The following WDR27 variants were observed in gnomAD, a reference collection of about 807,000 sequenced individuals.
WDR27 encodes WD repeat domain 27.
A neutral mutation model predicts 114.4 loss-of-function variants in WDR27; 100 were observed. That is an observed-to-expected ratio of 0.87 (90% confidence interval 0.74 to 1.03). The LOEUF (loss-of-function observed/expected upper bound fraction) is 1.03. Among genes scored for constraint, WDR27 ranks in the 50% least tolerant of loss-of-function variants. WDR27 has a pLI of 0.00. For synonymous variants in WDR27, 449 were observed against 423.1 expected, an observed-to-expected ratio of 1.06 and a Z score of -0.75; for missense variants, 1,129 against 1,092.9, an observed-to-expected ratio of 1.03 and a Z score of -0.47.
At chr6:169,540,843 C>T (rs1041131207) in intron 25 of WDR27, among the ~76,000 whole-genome samples, 4 of 152,132 alleles carry the variant, frequency 2.6e-5, no homozygotes, top group Non-Finnish European at 5.9e-5. Context: ...AGATTTCCCT[C>T]CATCACTCTC....
chr6:169,664,269 C>T lies in WDR27; in HGVS notation c.801G>A (p.Leu267=). Reference sequence around the variant, plus strand: ...CACGACGATAATGGTGTCCATCCATCAAACTGAAGATCCAAAGCTACAAAA... The same window carrying T: ...CACGACGATAATGGTGTCCATCCATTAAACTGAAGATCCAAAGCTACAAAA... ...CADGQLWIFS[L]MDGHHYRRVA... Residue 267 remains leucine (L), a synonymous_variant, in exon 8 of 26, where the codon TTG becomes TTA. Transcript: ENST00000448612. 1 of 1,613,958 alleles carries T rather than the reference C, an allele frequency of 6.2e-7. No homozygotes were observed. Among genetic ancestry groups the T allele is most frequent in the Non-Finnish European group, 8.5e-7 (1 of 1,179,842 alleles).
At chr6:169,665,430 C>G in intron 7 of WDR27, 56 bp downstream of exon 7, 1 of 1,574,606 alleles carries the variant, frequency 6.4e-7, no homozygotes, top group Non-Finnish European at 8.6e-7. Context: ...CCTTTGTGTA[C>G]AAGCTCACGT....
At chr6:169,446,419 C>T in the WDR27 span, among the ~76,000 whole-genome samples, 4 of 152,010 alleles carry the variant, frequency 2.6e-5, no homozygotes, top group South Asian at 4.2e-4. Context: ...GGGCAGGGGC[C>T]GGGCACAAGG....
At chr6:169,593,398 T>C (rs1806147912) in intron 23 of WDR27, among the ~76,000 whole-genome samples, 1 of 152,244 alleles carries the variant, frequency 6.6e-6, no homozygotes. Flanking sequence ...GCTTTCATAT[T>C]AATTTGCACA....
chr6:169,443,431 A>G, the WDR27 span, among the ~76,000 whole-genome samples: 3 of 33,902 alleles, frequency 8.8e-5, no homozygotes, highest in African/African-American at 6.9e-4. Context: ...ACAGTAACAT[A>G]TGGAAATTTG....
intron 25 of WDR27, among the ~76,000 whole-genome samples, chr6:169,474,937 A>C (rs967014902): frequency 3.3e-5 from 5 of 152,198 alleles, no homozygotes; most frequent in Admixed American, 2.0e-4. Flanking sequence ...ATTCGGTTTC[A>C]GTTAGTGTTC....
At position 169,474,643 on chromosome 6, in the gene WDR27, T is replaced by C. The variant is rs57785759; in HGVS notation, c.2646-17009A>G. 6.3e-3 allele frequency among the ~76,000 whole-genome samples: 956 copies of C among 151,988 alleles called. 15 individuals carry two copies. Among genetic ancestry groups the C allele is most frequent in the African/African-American group, 0.022 (914 of 41,420 alleles). ...GTGCAAGAGAGTTCAGATGACAGACTAATCCCGATATTCATTTAGTAAGAG... is the reference window on the plus strand; with the variant it reads ...GTGCAAGAGAGTTCAGATGACAGACCAATCCCGATATTCATTTAGTAAGAG... On this transcript the variant is annotated intron_variant, in intron 25 of 25. Coordinates refer to ENST00000448612, the MANE Select transcript of WDR27 (RefSeq NM_182552.5).
At chr6:169,666,297 C>T (rs1220637707) in intron 6 of WDR27, 3 of 770,762 alleles carry the variant, frequency 3.9e-6, no homozygotes, top group Middle Eastern at 6.5e-4. Flanking sequence ...GCACCATAGT[C>T]CACACATGGA....
intron 1 of WDR27, among the ~76,000 whole-genome samples, chr6:169,697,973 C>T (rs890654348): frequency 6.6e-6 from 1 of 152,158 alleles, no homozygotes; most frequent in African/African-American, 2.4e-5. Flanking sequence ...CGGGCTGGTC[C>T]CTACAGGCAG....
At chr6:169,629,856 G>A (rs1434851961) in intron 21 of WDR27, among the ~76,000 whole-genome samples, 1 of 150,444 alleles carries the variant, frequency 6.6e-6, no homozygotes, top group Non-Finnish European at 1.5e-5. Flanking sequence ...GAACCCAGGA[G>A]GCGGAGCTTG....
intron 21 of WDR27, among the ~76,000 whole-genome samples, chr6:169,626,262 G>A (rs1015577573): frequency 4.6e-5 from 7 of 152,182 alleles, no homozygotes; most frequent in African/African-American, 9.7e-5. Context: ...GCACCTATGC[G>A]GGTGTGGGTG....
At chr6:169,614,517 G>A (rs1055576480) in intron 21 of WDR27, among the ~76,000 whole-genome samples, 2 of 151,802 alleles carry the variant, frequency 1.3e-5, no homozygotes, top group African/African-American at 2.4e-5. Flanking sequence ...GTGAAATCCC[G>A]TCTCTATAAA....
In WDR27 at chr6:169,649,278, G is replaced by T; in HGVS notation, c.1482-3C>A. 6.4e-7 allele frequency: 1 copy of T among 1,564,862 alleles called. No homozygotes were observed. The highest frequency in any genetic ancestry group is 8.7e-7 in the Non-Finnish European group (1 of 1,153,446). The stretch of plus-strand genomic sequence containing the variant: ...TCTTTGGTGAAAACATAGTTACACT[G>T]TGGAAAGAAAACTCTAATATCACTC... On this transcript the variant is annotated splice_polypyrimidine_tract_variant and splice_region_variant and intron_variant, in intron 14 of 25. Transcript: ENST00000448612.
At chr6:169,458,835 G>A (rs1784588587) in intron 25 of WDR27, among the ~76,000 whole-genome samples, 2 of 151,152 alleles carry the variant, frequency 1.3e-5, no homozygotes, top group South Asian at 4.2e-4. Context: ...GAAAGTGACT[G>A]TGCATACCAC....
At position 169,665,545 on chromosome 6, in the gene WDR27, G is replaced by A; in HGVS notation, c.724C>T (p.Leu242Phe). The change falls in exon 7 of 26, where the codon CTC becomes TTC. Residue 242 changes from leucine (L) to phenylalanine (F), a missense_variant. By Grantham distance (22) the Leu-to-Phe change is conservative. Transcript: ENST00000448612. ...SSSVLSAYPL[L>F]SLFIDAESRQ... Reference sequence around the variant, plus strand: ...CTTTCTGCATCAATGAATAAACTGAGAAGAGGATATGCTGGTGAAAGGAAC... The same window carrying A: ...CTTTCTGCATCAATGAATAAACTGAAAAGAGGATATGCTGGTGAAAGGAAC... 1 of 1,613,748 alleles carries A rather than the reference G, an allele frequency of 6.2e-7. No homozygotes were observed. Among genetic ancestry groups the A allele is most frequent in the Non-Finnish European group, 8.5e-7 (1 of 1,179,738 alleles).
intron 25 of WDR27, among the ~76,000 whole-genome samples, chr6:169,529,321 G>T (rs919322201): frequency 3.6e-5 from 5 of 139,966 alleles, no homozygotes; most frequent in Non-Finnish European, 7.8e-5. Flanking sequence ...GCGGGGGGGG[G>T]GGGCAGCTAA....
chr6:169,437,853 A>G, the WDR27 span, among the ~76,000 whole-genome samples: 2 of 152,052 alleles, frequency 1.3e-5, no homozygotes, highest in African/African-American at 4.8e-5. Context: ...CGTTTGTCTT[A>G]AAGTTTTCTC....
At chr6:169,640,925 G>A (rs927403737) in intron 17 of WDR27, among the ~76,000 whole-genome samples, 1 of 152,172 alleles carries the variant, frequency 6.6e-6, no homozygotes, top group Non-Finnish European at 1.5e-5. Context: ...TCTACGTGAG[G>A]CCACACAGGA....
chr6:169,586,066 C>T (rs1308047049), intron 23 of WDR27, among the ~76,000 whole-genome samples: 1 of 152,180 alleles, frequency 6.6e-6, no homozygotes, highest in African/African-American at 2.4e-5. Context: ...TGTTTAATGT[C>T]AATTTGTTTC....
Sources: allele counts gnomAD v4.1 joint callset (sites outside exome capture counted in the v4.1 genomes callset), GRCh38; gene constraint gnomAD v4.1.1; transcripts MANE v1.5; gene names NCBI Gene and HGNC (gene_info 2026-07-23, HGNC 2026-07-21).